Variants in AGBL1 observed in about 807,000 individuals in gnomAD.
The protein encoded by AGBL1 is cytosolic carboxypeptidase 4.
In AGBL1, 130 loss-of-function variants were observed where a neutral mutation model predicts 118.9. The ratio of observed to expected loss-of-function variants is 1.09; its 90% CI spans 0.95 to 1.26. The LOEUF is 1.26. Ranked by LOEUF, AGBL1 falls within the 50% of genes most tolerant of loss-of-function variation. AGBL1 has a pLI of 0.00. For synonymous variants in AGBL1, 555 were observed against 478.9 expected, an observed-to-expected ratio of 1.16 and a Z score of -2.08; for missense variants, 1,584 against 1,298.1, an observed-to-expected ratio of 1.22 and a Z score of -3.38.
intron 10 of AGBL1, among the ~76,000 whole-genome samples, chr15:86,263,901 A>T (rs984614232): frequency 2.0e-5 from 3 of 152,142 alleles, no homozygotes; most frequent in African/African-American, 4.8e-5. Flanking sequence ...TAGTATAAAA[A>T]TTTTTTTCAA....
At chr15:86,434,037 T>C (rs2081971651) in intron 18 of AGBL1, among the ~76,000 whole-genome samples, 1 of 152,226 alleles carries the variant, frequency 6.6e-6, no homozygotes. Context: ...GTGGAGGAAA[T>C]TACAGGCATC....
At chr15:86,322,980 T>C (rs994595061) in intron 17 of AGBL1, among the ~76,000 whole-genome samples, 3 of 152,168 alleles carry the variant, frequency 2.0e-5, no homozygotes, top group Non-Finnish European at 4.4e-5. Flanking sequence ...TGGACAAGCT[T>C]TGGGCTGTTT....
At chr15:86,804,265 C>G (rs1212034141) in intron 22 of AGBL1, among the ~76,000 whole-genome samples, 1 of 152,144 alleles carries the variant, frequency 6.6e-6, no homozygotes, top group African/African-American at 2.4e-5. Context: ...TGTTCTCTGA[C>G]AAGCTTTTGA....
At chr15:86,554,150 G>A (rs1412860181) in intron 20 of AGBL1, among the ~76,000 whole-genome samples, 9 of 151,986 alleles carry the variant, frequency 5.9e-5, no homozygotes, top group Admixed American at 6.6e-5. Flanking sequence ...ATGAGCCACC[G>A]CTCCTGGCCT....
At chr15:86,370,727 T>G (rs1444904290) in intron 17 of AGBL1, among the ~76,000 whole-genome samples, 2 of 152,234 alleles carry the variant, frequency 1.3e-5, no homozygotes. Flanking sequence ...TTTCTTACCG[T>G]AGCATTATCC....
intron 24 of AGBL1, among the ~76,000 whole-genome samples, chr15:87,002,077 G>C (rs1204794288): frequency 6.6e-6 from 1 of 152,028 alleles, no homozygotes; most frequent in Non-Finnish European, 1.5e-5. Context: ...CAATGGTATT[G>C]CCTAGGTTTT....
At chr15:86,644,236 C>T (rs1410963319) in intron 21 of AGBL1, among the ~76,000 whole-genome samples, 1 of 151,994 alleles carries the variant, frequency 6.6e-6, no homozygotes, top group Non-Finnish European at 1.5e-5. Context: ...TTTATTTTGA[C>T]AAATAATTGC....
intron 22 of AGBL1, among the ~76,000 whole-genome samples, chr15:86,832,672 A>G (rs2079121768): frequency 1.3e-5 from 2 of 152,180 alleles, no homozygotes; most frequent in African/African-American, 4.8e-5. Context: ...TGCCCATATC[A>G]CTGTCAGCAT....
At chr15:86,555,296 T>C (rs2083718638) in intron 21 of AGBL1, among the ~76,000 whole-genome samples, 1 of 152,154 alleles carries the variant, frequency 6.6e-6, no homozygotes, top group South Asian at 2.1e-4. Context: ...TGACTTCCAT[T>C]CAACCCTAAG....
chr15:86,742,773 T>A (rs1014865871), intron 22 of AGBL1, among the ~76,000 whole-genome samples: 1 of 152,116 alleles, frequency 6.6e-6, no homozygotes, highest in African/African-American at 2.4e-5. Flanking sequence ...TAAATACAAG[T>A]CTCCTTATGC....
chr15:86,363,184 C>A (rs1361638766), intron 17 of AGBL1, among the ~76,000 whole-genome samples: 1 of 152,014 alleles, frequency 6.6e-6, no homozygotes, highest in East Asian at 1.9e-4. Context: ...GTATCTGGAT[C>A]CTAAAGCTCC....
intron 16 of AGBL1, 120 bp from the exon 17 acceptor site, chr15:86,295,135 T>A (rs2079612734): frequency 8.0e-7 from 1 of 1,245,292 alleles, no homozygotes. Flanking sequence ...GCCCAATACA[T>A]AAAGGACAGA....
chr15:87,007,503 A>G (rs2081517041), intron 24 of AGBL1, among the ~76,000 whole-genome samples: 2 of 152,230 alleles, frequency 1.3e-5, no homozygotes, highest in Admixed American at 1.3e-4. Flanking sequence ...TTACAAAACA[A>G]CATACTTTTT....
intron 21 of AGBL1, among the ~76,000 whole-genome samples, chr15:86,588,348 C>T (rs1242642352): frequency 6.6e-6 from 1 of 152,170 alleles, no homozygotes; most frequent in African/African-American, 2.4e-5. Flanking sequence ...TTATCACTGA[C>T]TGAGAGGATT....
chr15:86,746,794 T>C (rs77890424), intron 22 of AGBL1, among the ~76,000 whole-genome samples: 1 of 152,042 alleles, frequency 6.6e-6, no homozygotes, highest in East Asian at 1.9e-4. Context: ...TTCAGTCTAT[T>C]GGCCGAAACA....
Position 86,546,121 on chromosome 15 carries a change from G to A in AGBL1, c.2805G>A (p.Glu935=). 1 of 1,611,962 alleles carries A rather than the reference G, an allele frequency of 6.2e-7. No homozygotes were observed. The highest frequency in any genetic ancestry group is 8.5e-7 in the Non-Finnish European group (1 of 1,178,690). Residue 935 remains glutamate (E), a synonymous_variant, in exon 20 of 23, where the codon GAG becomes GAA. Coordinates refer to ENST00000614907, the MANE Select transcript of AGBL1 (RefSeq NM_001386094.1). ...CTVGTSTILE[E]VNYRTLPKIL... is the part of the protein sequence containing the mutation. ...TGGGCACATCTACTATCCTAGAGGA[G>A]GTCAACTACAGGGTAAGCCGCTGTG...
intron 23 of AGBL1, among the ~76,000 whole-genome samples, chr15:86,977,063 C>G (rs376868096): frequency 7.8e-4 from 119 of 151,932 alleles, no homozygotes; most frequent in Middle Eastern, 3.4e-3. Context: ...TTTTATTGTT[C>G]TCTTCAGGTA....
intron 1 of AGBL1, among the ~76,000 whole-genome samples, chr15:86,099,670 A>G (rs534701693): frequency 7.9e-5 from 12 of 151,178 alleles, no homozygotes; most frequent in Admixed American, 2.0e-4. Flanking sequence ...ATCCCACATG[A>G]GGCTAATTTT....
chr15:86,809,895 T>C (rs2078765090), intron 22 of AGBL1, among the ~76,000 whole-genome samples: 1 of 152,130 alleles, frequency 6.6e-6, no homozygotes, highest in African/African-American at 2.4e-5. Flanking sequence ...GTTTTATATG[T>C]CGTTTGGCCA....
Sources: gnomAD v4.1 joint callset for allele counts (sites outside exome capture counted in the v4.1 genomes callset) on GRCh38, gnomAD v4.1.1 for gene constraint, MANE v1.5 for transcripts, NCBI Gene and HGNC (gene_info 2026-07-23, HGNC 2026-07-21) for gene names.